Variants in ISY1 observed in about 807,000 individuals in gnomAD.
ISY1 encodes the protein pre-mRNA-splicing factor ISY1 homolog.
In ISY1, 12 loss-of-function variants were observed where a neutral mutation model predicts 54.4. The observed-to-expected ratio is 0.22, with a 90% confidence interval of 0.14 to 0.36. The LOEUF (loss-of-function observed/expected upper bound fraction) is 0.36. ISY1 is among the 10% of genes least tolerant of loss of function. The pLI, the probability that ISY1 is intolerant of heterozygous loss-of-function variation, is 1.00. For missense variants in ISY1, 282 were observed against 342.2 expected, an observed-to-expected ratio of 0.82 and a Z score of 1.39; for synonymous variants, 96 against 117.9, an observed-to-expected ratio of 0.81 and a Z score of 1.20.
chr3:129,134,803 A>T, intron 8 of ISY1, 29 bp downstream of exon 8: 7 of 1,587,386 alleles, frequency 4.4e-6, no homozygotes, highest in Non-Finnish European at 6.0e-6. Context: ...GATGCCATCT[A>T]TTATGAAATA....
Position 129,156,878 on chromosome 3 carries a change from T to C in ISY1, c.121A>G (p.Lys41Glu), listed in dbSNP as rs760032561. Residue 41 changes from lysine (K) to glutamate (E), a missense_variant, in exon 4 of 11, where the codon AAA (lysine) becomes GAA (glutamate). By Grantham distance (56) the Lys-to-Glu change is moderately conservative. Transcript: ENST00000393295. ...FLASECTELP[K>E]AEKWRRQIIG... ...ACCTGTCGTCTCCACTTCTCAGCTT[T>C]AGGCAGTTCAGTACATTCTGAGGCC... 1.2e-6 allele frequency: 2 copies of C among 1,614,054 alleles called. No individual in the cohort carries two copies. The highest frequency in any genetic ancestry group is 1.1e-5 in the South Asian group (1 of 91,064).
chr3:129,143,309 C>T (rs1936676779), intron 6 of ISY1, among the ~76,000 whole-genome samples: 2 of 151,872 alleles, frequency 1.3e-5, no homozygotes, highest in African/African-American at 4.8e-5. Flanking sequence ...GAGTTCGAGA[C>T]CAGCCTGGCC....
chr3:129,145,927 T>C, intron 5 of ISY1, 54 bp from the exon 6 acceptor site: 1 of 1,547,130 alleles, frequency 6.5e-7, no homozygotes, highest in Non-Finnish European at 8.9e-7. Flanking sequence ...TGTCAACACC[T>C]CTAACACGTA....
chr3:129,145,952 T>A, intron 5 of ISY1, 79 bp from the exon 6 acceptor site: 1 of 1,403,232 alleles, frequency 7.1e-7, no homozygotes, highest in Non-Finnish European at 9.9e-7. Context: ...TAGTATCATA[T>A]CCTTAAAATG....
At chr3:129,138,018 T>C (rs1037440286) in intron 7 of ISY1, among the ~76,000 whole-genome samples, 27 of 147,376 alleles carry the variant, frequency 1.8e-4, no homozygotes, top group African/African-American at 6.1e-4. Context: ...GGCTCACGCC[T>C]GTAATCCCAG....
At position 129,140,310 on chromosome 3, in the gene ISY1, A is replaced by G. The variant is rs923390489; in HGVS notation, c.418+58T>C. On this transcript the variant is annotated intron_variant, in intron 7 of 10. Coordinates refer to ENST00000393295, the MANE Select transcript of ISY1 (RefSeq NM_020701.4). Reference sequence around the variant, plus strand: ...AAAGTAAGAGCAGTTAGCATATAGCATATCTACTCTTATGATTATTACCAA... The same window carrying G: ...AAAGTAAGAGCAGTTAGCATATAGCGTATCTACTCTTATGATTATTACCAA... The G allele has an allele frequency of 6.2e-6, 9 of 1,460,784 alleles. No homozygotes were observed. The East Asian group carries it at 1.1e-4, about 18-fold the overall frequency. 90.5% of individuals were successfully genotyped at this position (1,460,784 alleles called of 1,614,324 possible).
intron 3 of ISY1, 32 bp downstream of exon 3, chr3:129,158,476 C>G: frequency 1.2e-6 from 2 of 1,612,406 alleles, no homozygotes; most frequent in Non-Finnish European, 1.7e-6. Flanking sequence ...ATTCTTGATA[C>G]TTTACAATTC....
intron 7 of ISY1, among the ~76,000 whole-genome samples, chr3:129,136,717 C>G (rs1936413325): frequency 6.7e-6 from 1 of 148,198 alleles, no homozygotes. Context: ...AAAGACAGAG[C>G]CTCGCTCTGT....
chr3:129,159,030 C>A, intron 2 of ISY1, 124 bp downstream of exon 2: 1 of 1,253,774 alleles, frequency 8.0e-7, no homozygotes, highest in African/African-American at 1.5e-5. Context: ...AAGAACATAA[C>A]ATATGTAAAG....
chr3:129,144,602 A>G (rs2107610159), intron 6 of ISY1, among the ~76,000 whole-genome samples: 1 of 152,326 alleles, frequency 6.6e-6, no homozygotes, highest in East Asian at 1.9e-4. Flanking sequence ...GTGCATCATG[A>G]AATCAGTTAA....
intron 5 of ISY1, among the ~76,000 whole-genome samples, chr3:129,150,369 C>T (rs180777335): frequency 2.6e-5 from 4 of 152,218 alleles, no homozygotes; most frequent in East Asian, 1.9e-4. Context: ...CTTTAGTCAT[C>T]GCATCCTAGT....
At chr3:129,145,992 T>C in intron 5 of ISY1, 119 bp from the exon 6 acceptor site, 1 of 877,028 alleles carries the variant, frequency 1.1e-6, no homozygotes, top group South Asian at 1.9e-5. Flanking sequence ...GTATACTACA[T>C]AAAAACACTC....
intron 7 of ISY1, among the ~76,000 whole-genome samples, chr3:129,139,854 C>T (rs1936554736): frequency 1.3e-5 from 2 of 152,090 alleles, no homozygotes; most frequent in African/African-American, 4.8e-5. Flanking sequence ...GTTGGTCAAG[C>T]TGGTCTCTAA....
At chr3:129,147,156 C>G (rs529044760) in intron 5 of ISY1, among the ~76,000 whole-genome samples, 22 of 152,022 alleles carry the variant, frequency 1.4e-4, no homozygotes, top group African/African-American at 4.8e-4. Flanking sequence ...GGGCAGATCA[C>G]TTGAGGTCAG....
intron 7 of ISY1, chr3:129,137,296 A>C (rs965686344): frequency 1.0e-4 from 81 of 780,976 alleles, no homozygotes; most frequent in Admixed American, 1.2e-4. Flanking sequence ...ATGAGTGTAG[A>C]GGTAAGAGGA....
intron 7 of ISY1, 25 bp from the exon 8 acceptor site, chr3:129,134,979 A>T: frequency 6.3e-7 from 1 of 1,589,846 alleles, no homozygotes; most frequent in Non-Finnish European, 8.6e-7. Flanking sequence ...AATGGAGCTG[A>T]GTTTCCAAGT....
chr3:129,150,726 T>A (rs1936942623), intron 5 of ISY1, among the ~76,000 whole-genome samples: 1 of 152,050 alleles, frequency 6.6e-6, no homozygotes, highest in Non-Finnish European at 1.5e-5. Flanking sequence ...AAATTAAAAT[T>A]AAAAAGATTT....
chr3:129,152,775 C>T (rs997452021), intron 5 of ISY1, among the ~76,000 whole-genome samples: 1 of 152,094 alleles, frequency 6.6e-6, no homozygotes, highest in Non-Finnish European at 1.5e-5. Context: ...GAAATATTGT[C>T]AGTAGTTATT....
chr3:129,142,496 A>C (rs1258133162), intron 6 of ISY1, among the ~76,000 whole-genome samples: 3 of 152,258 alleles, frequency 2.0e-5, no homozygotes, highest in Non-Finnish European at 4.4e-5. Context: ...CTCAAGGTAC[A>C]CAAAGAAAAT....
Sources: allele counts gnomAD v4.1 joint callset (sites outside exome capture counted in the v4.1 genomes callset), GRCh38; gene constraint gnomAD v4.1.1; transcripts MANE v1.5; gene names NCBI Gene and HGNC (gene_info 2026-07-23, HGNC 2026-07-21).